The following PRKD3 variants were observed in gnomAD, a reference collection of about 807,000 sequenced individuals.
The protein encoded by PRKD3 is serine/threonine-protein kinase D3.
PRKD3 carries 47 observed loss-of-function variants against 99.2 expected under a neutral mutation model. The ratio of observed to expected loss-of-function variants is 0.47; its 90% confidence interval spans 0.38 to 0.60. The LOEUF is 0.60. Among genes scored for constraint, PRKD3 ranks in the 20% least tolerant of loss-of-function variants. PRKD3 has a pLI of 0.00. For synonymous variants in PRKD3, 392 were observed against 355.4 expected (o/e 1.10, Z -1.16); for missense variants, 1,019 against 1,088.4 (o/e 0.94, Z 0.90).
At chr2:37,309,579 G>T (rs533768194) in intron 2 of PRKD3, among the ~76,000 whole-genome samples, 1 of 152,168 alleles carries the variant, frequency 6.6e-6, no homozygotes, top group African/African-American at 2.4e-5. Flanking sequence ...AAGCACGGTG[G>T]CCAATCACAC....
intron 6 of PRKD3, among the ~76,000 whole-genome samples, chr2:37,283,218 C>A (rs1383974183): frequency 2.6e-5 from 4 of 152,186 alleles, no homozygotes; most frequent in Non-Finnish European, 5.9e-5. Flanking sequence ...GGTCCCAGAT[C>A]AGCTTCATTA....
At position 37,253,243 on chromosome 2, in the gene PRKD3, A is replaced by G. The variant is rs1184562181; in HGVS notation, c.2607T>C (p.His869=). 2.6e-5 allele frequency: 42 copies of G among 1,612,502 alleles called. No homozygotes were observed. Among genetic ancestry groups the G allele is most frequent in the Non-Finnish European group, 3.6e-5 (42 of 1,178,842 alleles). ...DARWEIHAYT[H]NLVYPKHFIM... ...TGAAGTGCTTTGGGTATACAAGGTT[A>G]TGTGTGTATGCATGTATTTCCCAGC... is the stretch of plus-strand genomic sequence containing the variant. The change falls in exon 19 of 19, where the codon CAT becomes CAC. Residue 869 remains histidine, a synonymous_variant. Coordinates refer to ENST00000234179, the MANE Select transcript of PRKD3 (RefSeq NM_005813.6).
At chr2:37,289,589 T>C in intron 4 of PRKD3, 76 bp from the exon 5 acceptor site, 1 of 1,209,056 alleles carries the variant, frequency 8.3e-7, no homozygotes, top group South Asian at 1.6e-5. Context: ...TAAAAACCAC[T>C]GCTTCTTTTA....
intron 14 of PRKD3, among the ~76,000 whole-genome samples, 157 bp from the exon 15 acceptor site, chr2:37,260,541 T>C (rs967219725): frequency 6.6e-6 from 1 of 152,224 alleles, no homozygotes; most frequent in African/African-American, 2.4e-5. Flanking sequence ...AAAAGGATCT[T>C]AGGTTTTAAT....
chr2:37,253,453 A>C, intron 18 of PRKD3, 103 bp from the exon 19 acceptor site: 1 of 940,944 alleles, frequency 1.1e-6, no homozygotes, highest in Non-Finnish European at 1.5e-6. Flanking sequence ...TGCCCTAGTC[A>C]AATAATTGAC....
intron 16 of PRKD3, among the ~76,000 whole-genome samples, chr2:37,258,316 T>C (rs749776899): frequency 6.6e-6 from 1 of 152,208 alleles, no homozygotes; most frequent in Non-Finnish European, 1.5e-5. Context: ...TCGATTTCAG[T>C]GTCTTTGAAG....
chr2:37,267,776 A>G, intron 13 of PRKD3: 1 of 425,814 alleles, frequency 2.3e-6, no homozygotes, highest in Non-Finnish European at 4.2e-6. Context: ...ATTTGAATGA[A>G]CTTGTTGCTG....
chr2:37,276,053 C>G (rs1669552947), intron 9 of PRKD3, among the ~76,000 whole-genome samples: 1 of 152,110 alleles, frequency 6.6e-6, no homozygotes. Flanking sequence ...CACCCTTACT[C>G]CAGGCAAAGC....
chr2:37,314,986 CACA>C (rs3832128), intron 2 of PRKD3, among the ~76,000 whole-genome samples: 37,954 of 151,746 alleles, frequency 0.25, 5,618 homozygotes, highest in East Asian at 0.53. Context: ...TCACAAACTG[CACA>C]ACATCTTTTG....
chr2:37,254,055 G>T (rs1247599993), intron 18 of PRKD3, 149 bp downstream of exon 18: 1 of 626,536 alleles, frequency 1.6e-6, no homozygotes, highest in Non-Finnish European at 2.8e-6. Context: ...AATGCTGTAT[G>T]GTTTCCAGAG....
intron 14 of PRKD3, among the ~76,000 whole-genome samples, chr2:37,266,951 G>A (rs923150174): frequency 3.3e-5 from 5 of 152,186 alleles, no homozygotes; most frequent in Non-Finnish European, 7.3e-5. Flanking sequence ...AAAAATGCTA[G>A]ATGAAAAACA....
chr2:37,287,354 CCTTTT>C (rs1408100038), intron 5 of PRKD3, among the ~76,000 whole-genome samples: 2 of 149,022 alleles, frequency 1.3e-5, no homozygotes, highest in Non-Finnish European at 1.5e-5. Flanking sequence ...GTTGTTTTGT[CCTTTT>C]CTTTTCCTTT....
At chr2:37,285,029 C>T (rs1286150769) in intron 6 of PRKD3, among the ~76,000 whole-genome samples, 1 of 152,102 alleles carries the variant, frequency 6.6e-6, no homozygotes, top group Non-Finnish European at 1.5e-5. Flanking sequence ...TGTTACAAAA[C>T]CCTCAACCCT....
At chr2:37,279,210 T>G (rs558814505) in intron 8 of PRKD3, 16 of 152,216 alleles carry the variant, frequency 1.1e-4, no homozygotes, top group Non-Finnish European at 1.5e-4. Flanking sequence ...AAAAATTGAA[T>G]TTCTATGAAC....
chr2:37,320,761 T>G (rs1671852237), intron 1 of PRKD3, among the ~76,000 whole-genome samples: 1 of 152,170 alleles, frequency 6.6e-6, no homozygotes, highest in African/African-American at 2.4e-5. Context: ...TTGATGAATG[T>G]CTTCCCACTA....
intron 14 of PRKD3, among the ~76,000 whole-genome samples, chr2:37,263,713 G>A (rs1423251664): frequency 6.6e-6 from 1 of 152,142 alleles, no homozygotes; most frequent in Non-Finnish European, 1.5e-5. Flanking sequence ...AGGACATAAG[G>A]GCTGCAGATT....
chr2:37,259,684 G>T lies in PRKD3; in HGVS notation c.2047-3C>A. 3 of 1,596,376 alleles carry T rather than the reference G, an allele frequency of 1.9e-6. No homozygotes were observed. Among genetic ancestry groups the T allele is most frequent in the Non-Finnish European group, 2.6e-6 (3 of 1,166,552 alleles). On this transcript the variant is annotated splice_polypyrimidine_tract_variant and splice_region_variant and intron_variant, in intron 15 of 18. Coordinates refer to ENST00000234179, the MANE Select transcript of PRKD3 (RefSeq NM_005813.6). ...AGATTCCTCAAAGCAACAAGTATCT[G>T]TTATGAAAAAAGATTTTCTTTTCAA...
chr2:37,271,029 G>A (rs940206743), intron 12 of PRKD3, among the ~76,000 whole-genome samples: 1 of 152,120 alleles, frequency 6.6e-6, no homozygotes, highest in Non-Finnish European at 1.5e-5. Flanking sequence ...CAGGACAAGA[G>A]ACTCATAGAT....
intron 17 of PRKD3, among the ~76,000 whole-genome samples, chr2:37,255,831 C>T (rs1313429337): frequency 6.6e-6 from 1 of 152,022 alleles, no homozygotes; most frequent in East Asian, 1.9e-4. Flanking sequence ...CATAGTGGGA[C>T]CCCATCTCTA....
Sources: allele counts gnomAD v4.1 joint callset (sites outside exome capture counted in the v4.1 genomes callset), GRCh38; gene constraint gnomAD v4.1.1; transcripts MANE v1.5; gene names NCBI Gene and HGNC (gene_info 2026-07-23, HGNC 2026-07-21).